The following OPTN variants were observed in gnomAD, a reference collection of about 807,000 sequenced individuals.
OPTN encodes the protein E3-14.7K-interacting protein.
In OPTN, 54 loss-of-function variants were observed where a neutral mutation model predicts 70.4. The ratio of observed to expected loss-of-function variants is 0.77; its 90% CI spans 0.62 to 0.96. OPTN has a LOEUF of 0.96. Among genes scored for constraint, OPTN ranks in the 40% least tolerant of loss-of-function variants. OPTN has a pLI of 0.00. For missense variants in OPTN, 624 were observed against 673.2 expected, an observed-to-expected ratio of 0.93 and a Z score of 0.81; for synonymous variants, 256 against 248.5, an observed-to-expected ratio of 1.03 and a Z score of -0.28.
chr10:13,107,488 C>T (rs1370809055), intron 1 of OPTN, among the ~76,000 whole-genome samples: 1 of 149,420 alleles, frequency 6.7e-6, no homozygotes, highest in Non-Finnish European at 1.5e-5. Flanking sequence ...ACGCCATTCT[C>T]CTGCCGCAGC....
chr10:13,118,037 C>A (rs1452646395), intron 6 of OPTN, among the ~76,000 whole-genome samples: 1 of 152,206 alleles, frequency 6.6e-6, no homozygotes, highest in East Asian at 1.9e-4. Context: ...ATATCAAAGC[C>A]ACTTCCTCAT....
At chr10:13,106,521 A>G (rs558194165) in intron 1 of OPTN, among the ~76,000 whole-genome samples, 198 of 152,338 alleles carry the variant, frequency 1.3e-3, no homozygotes, top group African/African-American at 4.4e-3. Context: ...TAAGATTGCC[A>G]TCACCCTCAT....
chr10:13,112,255 G>C (rs529149466), intron 4 of OPTN, among the ~76,000 whole-genome samples, 198 bp from the exon 5 acceptor site: 9 of 150,494 alleles, frequency 6.0e-5, no homozygotes, highest in Non-Finnish European at 1.0e-4. Flanking sequence ...CTACAGGTGT[G>C]TGCCACTACA....
At chr10:13,136,354 A>G (rs1471191599) in intron 14 of OPTN, among the ~76,000 whole-genome samples, 1 of 151,780 alleles carries the variant, frequency 6.6e-6, no homozygotes, top group East Asian at 1.9e-4. Flanking sequence ...CTAAAAATAC[A>G]AAAATTAGCT....
chr10:13,112,659 T>C (rs1833034286), intron 5 of OPTN, 24 bp downstream of exon 5: 15 of 1,612,116 alleles, frequency 9.3e-6, no homozygotes, highest in Non-Finnish European at 1.3e-5. Context: ...TTTATTTTTG[T>C]TTTGAGCAAA....
chr10:13,123,205 C>T (rs1833388978), intron 8 of OPTN: 1 of 153,510 alleles, frequency 6.5e-6, no homozygotes, highest in Non-Finnish European at 1.4e-5. Context: ...AAAAGGTTCA[C>T]TGTTGTCTTG....
chr10:13,134,646 T>G (rs1191283043), intron 14 of OPTN, among the ~76,000 whole-genome samples: 1 of 152,188 alleles, frequency 6.6e-6, no homozygotes, highest in Non-Finnish European at 1.5e-5. Context: ...CAGGCTGGTC[T>G]CAAATTCCTG....
chr10:13,127,494 T>C (rs1833492053), intron 11 of OPTN, among the ~76,000 whole-genome samples: 2 of 152,114 alleles, frequency 1.3e-5, no homozygotes, highest in Non-Finnish European at 2.9e-5. Flanking sequence ...TACAACTTTC[T>C]GAATAAGTTA....
intron 12 of OPTN, among the ~76,000 whole-genome samples, chr10:13,129,502 A>C (rs1363798795): frequency 1.3e-5 from 2 of 151,992 alleles, no homozygotes; most frequent in African/African-American, 4.8e-5. Context: ...ACAGGCGCAC[A>C]CCACCACGCT....
At position 13,114,761 on chromosome 10, in the gene OPTN, C is replaced by CGT. The variant is rs1564358604; in HGVS notation, c.553-1506_553-1505insGT. 1.4e-4 allele frequency among the ~76,000 whole-genome samples: 12 copies of CGT among 87,524 alleles called. 1 individual carries two copies. The highest frequency in any genetic ancestry group is 4.9e-4 in the African/African-American group (10 of 20,576). 57.4% of individuals were successfully genotyped at this position (87,524 alleles called of 152,430 possible). On this transcript the variant is annotated intron_variant, in intron 5 of 14. Transcript: ENST00000378747. Reference sequence around the variant, plus strand: ...AATATATTCTACAATTATATAATTGCATATATAATTATATAATTATATAAT... The same window carrying CGT: ...AATATATTCTACAATTATATAATTGCGTATATATAATTATATAATTATATAAT...
chr10:13,124,443 G>A (rs1411240653), intron 9 of OPTN, among the ~76,000 whole-genome samples: 1 of 152,186 alleles, frequency 6.6e-6, no homozygotes. Flanking sequence ...TAAGCATAAA[G>A]AAAGATGAAA....
chr10:13,138,026 G>A lies in OPTN; in HGVS notation c.*1160G>A. ...ATTAATATCATCATATATATTTTCT[G>A]TATTAAGCTCATTTGGCTTCATTTA... is the stretch of plus-strand genomic sequence containing the variant. On this transcript the variant is annotated 3_prime_UTR_variant, in exon 15 of 15. Coordinates refer to ENST00000378747, the MANE Select transcript of OPTN (RefSeq NM_001008212.2). 4.9e-6 allele frequency: 1 copy of A among 202,700 alleles called. No homozygotes were observed. Among genetic ancestry groups the A allele is most frequent in the Admixed American group, 6.0e-5 (1 of 16,706 alleles). 12.6% of individuals were successfully genotyped at this position (202,700 alleles called of 1,614,324 possible). A position where few individuals can be genotyped will look rare whatever the true frequency, so the allele number is the denominator to read the frequency against.
chr10:13,134,103 C>G (rs1833649873), intron 14 of OPTN, among the ~76,000 whole-genome samples: 1 of 152,228 alleles, frequency 6.6e-6, no homozygotes. Flanking sequence ...GCCACTGTAC[C>G]CGGCCTACAG....
At chr10:13,102,519 C>G (rs1832772350) in intron 1 of OPTN, among the ~76,000 whole-genome samples, 1 of 152,182 alleles carries the variant, frequency 6.6e-6, no homozygotes, top group African/African-American at 2.4e-5. Flanking sequence ...GTTCTCAGTC[C>G]TGGGGATACA....
At chr10:13,107,169 G>A (rs1411474786) in intron 1 of OPTN, among the ~76,000 whole-genome samples, 1 of 151,976 alleles carries the variant, frequency 6.6e-6, no homozygotes, top group Non-Finnish European at 1.5e-5. Context: ...GAAGTCAGGA[G>A]TTCGAGACCG....
intron 6 of OPTN, 42 bp from the exon 7 acceptor site, chr10:13,118,846 G>A: frequency 6.3e-7 from 1 of 1,592,466 alleles, no homozygotes; most frequent in Non-Finnish European, 8.6e-7. Context: ...TTAGTCTTTG[G>A]AATTTTTCTG....
At chr10:13,129,390 G>A (rs7907033) in intron 12 of OPTN, among the ~76,000 whole-genome samples, 33,367 of 148,516 alleles carry the variant, frequency 0.22, 4,246 homozygotes, top group Middle Eastern at 0.4. Flanking sequence ...GTCTAGCTCT[G>A]TCACCAGGCT....
chr10:13,127,019 C>A (rs1174167911), intron 11 of OPTN, among the ~76,000 whole-genome samples: 1 of 152,058 alleles, frequency 6.6e-6, no homozygotes, highest in Non-Finnish European at 1.5e-5. Flanking sequence ...GAGAACCTGT[C>A]TCTAAAAAAA....
At chr10:13,119,414 C>T (rs1403007179) in intron 7 of OPTN, among the ~76,000 whole-genome samples, 1 of 152,184 alleles carries the variant, frequency 6.6e-6, no homozygotes, top group Non-Finnish European at 1.5e-5. Context: ...AATAACCTTC[C>T]ATTGTCTATA....
Sources: allele counts gnomAD v4.1 joint callset (sites outside exome capture counted in the v4.1 genomes callset), GRCh38; gene constraint gnomAD v4.1.1; transcripts MANE v1.5; gene names NCBI Gene and HGNC (gene_info 2026-07-23, HGNC 2026-07-21).